The following SCRN1 variants were observed in gnomAD, a reference collection of about 807,000 sequenced individuals.
SCRN1 encodes secernin-1.
In SCRN1, 19 loss-of-function variants were observed where a neutral mutation model predicts 43.3. The ratio of observed to expected loss-of-function variants is 0.44; its 90% CI spans 0.31 to 0.64. The LOEUF is 0.64. SCRN1 is among the 30% of genes least tolerant of loss of function. SCRN1 has a pLI of 0.09. For synonymous variants in SCRN1, 183 were observed against 188.9 expected (o/e 0.97, Z 0.26); for missense variants, 447 against 524.1 (o/e 0.85, Z 1.44).
intron 6 of SCRN1, among the ~76,000 whole-genome samples, chr7:29,935,863 G>A (rs1787306621): frequency 6.6e-6 from 1 of 152,210 alleles, no homozygotes. Flanking sequence ...TGTAAAGGTA[G>A]GGGCTGATAT....
At chr7:29,982,581 G>T (rs1426419605) in intron 1 of SCRN1, among the ~76,000 whole-genome samples, 2 of 151,448 alleles carry the variant, frequency 1.3e-5, no homozygotes, top group Non-Finnish European at 2.9e-5. Context: ...TACTCAGAAG[G>T]CTGAGGTGAG....
intron 2 of SCRN1, among the ~76,000 whole-genome samples, chr7:29,963,113 G>A (rs1419319325): frequency 1.3e-5 from 2 of 151,988 alleles, no homozygotes; most frequent in African/African-American, 2.4e-5. Flanking sequence ...TCATGCATCA[G>A]CTCACGTGTG....
chr7:29,926,044 A>G (rs1217608919), intron 7 of SCRN1, among the ~76,000 whole-genome samples: 2 of 152,200 alleles, frequency 1.3e-5, no homozygotes, highest in Non-Finnish European at 2.9e-5. Context: ...ACTTTTTTGA[A>G]ACAACATATG....
At chr7:29,928,939 G>A (rs1288335706) in intron 6 of SCRN1, among the ~76,000 whole-genome samples, 2 of 152,244 alleles carry the variant, frequency 1.3e-5, no homozygotes. Context: ...GGCTGCAGAT[G>A]GAGGGCTCGC....
At position 29,965,460 on chromosome 7, in the gene SCRN1, AG is replaced by A. The variant is rs1247390898; in HGVS notation, c.159+3448del. Among the ~76,000 whole-genome samples, 1 of 152,162 alleles carries A rather than the reference AG, an allele frequency of 6.6e-6. No homozygotes were observed. Among genetic ancestry groups the A allele is most frequent in the African/African-American group, 2.4e-5 (1 of 41,430 alleles). ...AGAGGGGGCAGCGGGACTCAGTGAC[AG>A]CTGTCCCTGTGCATTGGGGATGGGG... On this transcript the variant is annotated intron_variant, in intron 2 of 7. Transcript: ENST00000242059. The surrounding 1 kb of genome is among the most constrained non-coding windows in gnomAD (Gnocchi z 4.2).
chr7:29,985,132 C>T (rs1426263292), intron 1 of SCRN1, among the ~76,000 whole-genome samples: 2 of 143,462 alleles, frequency 1.4e-5, no homozygotes, highest in Admixed American at 7.0e-5. Flanking sequence ...CTGGGCTGGG[C>T]GCGGTGGCTC....
chr7:29,947,543 T>G (rs969120346), intron 3 of SCRN1, among the ~76,000 whole-genome samples: 8 of 152,178 alleles, frequency 5.3e-5, no homozygotes, highest in African/African-American at 7.2e-5. Flanking sequence ...GTGGGCCTAG[T>G]ATTCTTATAG....
chr7:29,929,406 C>T (rs913920817), intron 6 of SCRN1, among the ~76,000 whole-genome samples: 2 of 152,234 alleles, frequency 1.3e-5, no homozygotes, highest in Admixed American at 6.5e-5. Context: ...CATTCAATCC[C>T]CATGCCACTC....
rs1218589467 is a variant in SCRN1 at position 29,989,658 on chromosome 7, C to G, written c.-18G>C. 2.0e-6 allele frequency: 2 copies of G among 985,566 alleles called. No individual in the cohort carries two copies. The highest frequency in any genetic ancestry group is 3.5e-5 in the African/African-American group (2 of 57,262). 61.1% of individuals were successfully genotyped at this position (985,566 alleles called of 1,614,324 possible). The stretch of plus-strand genomic sequence containing the variant: ...GCGGCTCACCTGGGGCGGCGGGCTC[C>G]GGGCTCCGCTCTCCGCTCTGCGGTG... On this transcript the variant is annotated 5_prime_UTR_variant, in exon 1 of 8. Coordinates refer to ENST00000242059, the MANE Select transcript of SCRN1 (RefSeq NM_014766.5).
chr7:29,955,439 CCAT>C, intron 2 of SCRN1, 79 bp from the exon 3 acceptor site: 1 of 1,360,744 alleles, frequency 7.3e-7, no homozygotes, highest in Non-Finnish European at 1.0e-6. Flanking sequence ...TTATACTGAA[CCAT>C]CATATTAGTT....
chr7:29,963,663 A>G (rs1182919374), intron 2 of SCRN1, among the ~76,000 whole-genome samples: 1 of 148,214 alleles, frequency 6.7e-6, no homozygotes. Flanking sequence ...AATGGTATCT[A>G]CACATGCACA....
chr7:29,928,021 G>A (rs1787026514), intron 6 of SCRN1, among the ~76,000 whole-genome samples: 1 of 152,170 alleles, frequency 6.6e-6, no homozygotes, highest in Admixed American at 6.5e-5. Context: ...TACTCAGGAG[G>A]TTGAGGTGGA....
rs1051260800 is a variant in SCRN1, at chr7:29,923,038, G to C, written c.*919C>G. 7.8e-6 allele frequency: 1 copy of C among 128,796 alleles called. No individual in the cohort carries two copies. Among genetic ancestry groups the C allele is most frequent in the Non-Finnish European group, 1.8e-5 (1 of 55,364 alleles). 8.0% of individuals were successfully genotyped at this position (128,796 alleles called of 1,614,324 possible). A position where few individuals can be genotyped will look rare whatever the true frequency, so the allele number is the denominator to read the frequency against. ...TCCTTTTCTTTCCCTCCTTGGCTGA[G>C]AGATTCACTACTCTGTGGGTGGAAC... is the stretch of plus-strand genomic sequence containing the variant. On this transcript the variant is annotated 3_prime_UTR_variant, in exon 8 of 8. Coordinates refer to ENST00000242059, the MANE Select transcript of SCRN1 (RefSeq NM_014766.5).
At chr7:29,930,735 G>C (rs149419222) in intron 6 of SCRN1, among the ~76,000 whole-genome samples, 9 of 152,360 alleles carry the variant, frequency 5.9e-5, no homozygotes, top group African/African-American at 1.9e-4. Flanking sequence ...CCTGGGTTGG[G>C]AATTTGCCCC....
At chr7:29,986,010 A>G (rs1043964318) in intron 1 of SCRN1, among the ~76,000 whole-genome samples, 1 of 152,312 alleles carries the variant, frequency 6.6e-6, no homozygotes, top group Admixed American at 6.5e-5. Context: ...CGAGGCGGGC[A>G]GATCACCTGA....
At chr7:29,943,656 G>T (rs1019374980) in intron 4 of SCRN1, among the ~76,000 whole-genome samples, 5 of 152,208 alleles carry the variant, frequency 3.3e-5, no homozygotes, top group African/African-American at 1.2e-4. Flanking sequence ...TATTACACAA[G>T]AAGAGTCACC....
chr7:29,949,806 T>C (rs553386033), intron 3 of SCRN1, among the ~76,000 whole-genome samples: 1 of 151,752 alleles, frequency 6.6e-6, no homozygotes, highest in South Asian at 2.1e-4. Context: ...CTCAAGTAGT[T>C]GGGACCACAA....
intron 7 of SCRN1, 149 bp downstream of exon 7, chr7:29,926,303 G>A: frequency 1.4e-6 from 1 of 729,672 alleles, no homozygotes; most frequent in East Asian, 2.7e-5. Flanking sequence ...TCTAGGAAAG[G>A]CCCCAGGAAC....
intron 1 of SCRN1, 141 bp from the exon 2 acceptor site, chr7:29,969,209 G>T: frequency 1.0e-6 from 1 of 974,438 alleles, no homozygotes; most frequent in Non-Finnish European, 1.5e-6. Context: ...ATCCCAGCTG[G>T]CAAATGAAGG....
Sources: allele counts gnomAD v4.1 joint callset (sites outside exome capture counted in the v4.1 genomes callset), GRCh38; gene constraint gnomAD v4.1.1; non-coding constraint Gnocchi (gnomAD v3.1); transcripts MANE v1.5; gene names NCBI Gene and HGNC (gene_info 2026-07-23, HGNC 2026-07-21).